Variants in DOCK11 observed in about 807,000 individuals in gnomAD.
The protein encoded by DOCK11 is dedicator of cytokinesis 11.
A neutral mutation model predicts 169.1 loss-of-function variants in DOCK11; 70 were observed. The observed-to-expected ratio is 0.41, with a 90% CI of 0.34 to 0.51. DOCK11 has a LOEUF of 0.51. Ranked by LOEUF, DOCK11 falls within the 20% of genes least tolerant of loss-of-function variation. The pLI, the probability that DOCK11 is intolerant of heterozygous loss-of-function variation, is 0.10. For missense variants in DOCK11, 1,166 were observed against 1,538.8 expected (o/e 0.76, Z 4.05); for synonymous variants, 529 against 541.3 (o/e 0.98, Z 0.32).
At chrX:118,604,970 T>C in intron 23 of DOCK11, among the ~76,000 whole-genome samples, 1 of 111,842 alleles carries the variant, frequency 8.9e-6, no homozygotes, top group African/African-American at 3.3e-5. Context: ...CAGGAGTCAG[T>C]TGTCAATTTT....
In DOCK11 at chrX:118,593,341, C is replaced by CGT. The variant is rs1396830064; in HGVS notation, c.2263+7_2263+8dup. 8.4e-7 allele frequency: 1 copy of CGT among 1,194,349 alleles called. No individual in the cohort carries two copies. The highest frequency in any genetic ancestry group is 1.1e-6 in the Non-Finnish European group (1 of 888,987). On this transcript the variant is annotated splice_donor_region_variant and intron_variant, in intron 20 of 52. Coordinates refer to ENST00000276202, the MANE Select transcript of DOCK11 (RefSeq NM_144658.4). ...CAAGACACAGTTGAAACTCCAGGTA[C>CGT]GTGTTCTCTTTAAATGTCTCTCTCT...
chrX:118,501,844 A>T (rs759060033), intron 1 of DOCK11, among the ~76,000 whole-genome samples: 1 of 111,699 alleles, frequency 9.0e-6, no homozygotes, highest in Non-Finnish European at 1.9e-5. Flanking sequence ...TCCCATGCCA[A>T]CGCTTGTTAG....
chrX:118,685,863 T>C lies in DOCK11; in HGVS notation c.*56T>C, dbSNP rs1233256760. The stretch of plus-strand genomic sequence containing the variant: ...GACCTTTCTCAGGAATATTTGGAGC[T>C]GTGCAAATGTTAAAATTTAAAGATT... On this transcript the variant is annotated 3_prime_UTR_variant, in exon 53 of 53. Coordinates refer to ENST00000276202, the MANE Select transcript of DOCK11 (RefSeq NM_144658.4). 1 of 1,165,024 alleles carries C rather than the reference T, an allele frequency of 8.6e-7. No individual in the cohort carries two copies. Among genetic ancestry groups the C allele is most frequent in the African/African-American group, 1.8e-5 (1 of 56,577 alleles).
chrX:118,637,094 T>C lies in DOCK11; in HGVS notation c.3953+682T>C. On this transcript the variant is annotated intron_variant, in intron 36 of 52. Transcript: ENST00000276202. ...AATACAAAACCCTTGGATTAAAGTCTTACAAACTTTTACGGAAAATGTCAG... is the reference window on the plus strand; with the variant it reads ...AATACAAAACCCTTGGATTAAAGTCCTACAAACTTTTACGGAAAATGTCAG... Among the ~76,000 whole-genome samples the C allele has an allele frequency of 1.8e-5, 2 of 112,457 alleles. 1 individual carries two copies.
intron 40 of DOCK11, among the ~76,000 whole-genome samples, chrX:118,647,415 T>C (rs1388177034): frequency 1.1e-5 from 1 of 93,761 alleles, no homozygotes; most frequent in East Asian, 3.2e-4. Flanking sequence ...TACTGTATTA[T>C]GGCGGTGCAA....
chrX:118,621,338 G>A (rs193089809), intron 31 of DOCK11, among the ~76,000 whole-genome samples: 1 of 112,127 alleles, frequency 8.9e-6, no homozygotes, highest in East Asian at 2.8e-4. Context: ...CTGTGTAAGA[G>A]TTCATTTATC....
chrX:118,566,682 C>T, intron 9 of DOCK11, 29 bp downstream of exon 9: 1 of 1,134,143 alleles, frequency 8.8e-7, no homozygotes, highest in Non-Finnish European at 1.2e-6. Context: ...AACTTGCCTT[C>T]AACTGAGATA....
At chrX:118,538,603 ATGCTCACTTCTCTCCAGAT>A (rs1377399615) in intron 1 of DOCK11, 2 of 554,329 alleles carry the variant, frequency 3.6e-6, no homozygotes, top group African/African-American at 5.1e-5. Flanking sequence ...ACTGAAACAT[ATGCTCACTTCTCTCCAGAT>A]TGCATAAATG....
chrX:118,517,342 C>T (rs2057696721), intron 1 of DOCK11, among the ~76,000 whole-genome samples: 1 of 107,290 alleles, frequency 9.3e-6, no homozygotes, highest in African/African-American at 3.4e-5. Context: ...ATGATCGCGC[C>T]ACTGCACTCC....
rs772799320 is a variant in DOCK11, at chrX:118,561,526, A to G, written c.693+9A>G. On this transcript the variant is annotated intron_variant, in intron 7 of 52. Coordinates refer to ENST00000276202, the MANE Select transcript of DOCK11 (RefSeq NM_144658.4). ...GCATTGATGTTGTTCAGGTAAGGCC[A>G]TTGAGGTAATCCTTCTCTTTTTCTA... 1 of 1,167,672 alleles carries G rather than the reference A, an allele frequency of 8.6e-7. No individual in the cohort carries two copies. The highest frequency in any genetic ancestry group is 3.1e-5 in the East Asian group (1 of 32,478).
chrX:118,557,445 A>C (rs2012733132), intron 6 of DOCK11, among the ~76,000 whole-genome samples: 1 of 111,389 alleles, frequency 9.0e-6, no homozygotes, highest in African/African-American at 3.3e-5. Context: ...CAGATAAGCC[A>C]GTGTAGCTGG....
intron 40 of DOCK11, among the ~76,000 whole-genome samples, chrX:118,646,940 G>T (rs2015685897): frequency 2.7e-5 from 3 of 110,979 alleles, no homozygotes; most frequent in African/African-American, 6.5e-5. Context: ...TCCTGAAGCA[G>T]CTTGTTATTT....
At chrX:118,496,738 AT>A (rs1448184118) in intron 1 of DOCK11, among the ~76,000 whole-genome samples, 1 of 111,580 alleles carries the variant, frequency 9.0e-6, no homozygotes, top group African/African-American at 3.3e-5. Flanking sequence ...GCGCAGGGTC[AT>A]CCACCGCAGG....
At chrX:118,512,412 A>G (rs751028797) in intron 1 of DOCK11, among the ~76,000 whole-genome samples, 6 of 112,202 alleles carry the variant, frequency 5.3e-5, no homozygotes, top group African/African-American at 1.9e-4. Flanking sequence ...AGATTCAGAC[A>G]GGAAGAGATC....
Position 118,676,070 on chromosome X carries a change from A to G in DOCK11, c.5313+21A>G, listed in dbSNP as rs146830951. 2,400 of 1,057,131 alleles carry G rather than the reference A, an allele frequency of 2.3e-3. 36 individuals carry two copies. The African/African-American group carries it at 0.04, about 18-fold the overall frequency. The allele number at this position is 1,057,131 out of a possible 1,213,427, so 87.1% of individuals were successfully genotyped here. A position where few individuals can be genotyped will look rare whatever the true frequency, so the allele number is the denominator to read the frequency against. On this transcript the variant is annotated intron_variant, in intron 47 of 52. Coordinates refer to ENST00000276202, the MANE Select transcript of DOCK11 (RefSeq NM_144658.4). ...GCCAAGTAAGTGTACTTGAATCCAT[A>G]AAGTTTTCCTTTTTAAACATTCACC...
At chrX:118,588,060 A>G (rs1002221201) in intron 16 of DOCK11, 77 bp from the exon 17 acceptor site, 12 of 847,865 alleles carry the variant, frequency 1.4e-5, no homozygotes, top group Non-Finnish European at 1.9e-5. Flanking sequence ...CAATTCATGT[A>G]TATTTTTTAT....
chrX:118,588,337 A>C lies in DOCK11; in HGVS notation c.1980+16A>C. On this transcript the variant is annotated intron_variant, in intron 17 of 52. Coordinates refer to ENST00000276202, the MANE Select transcript of DOCK11 (RefSeq NM_144658.4). ...ATTTGCCAAGGTAACCATGTAAACT[A>C]TACATTTTTGGAGTATAAAATGTTA... 8.6e-7 allele frequency: 1 copy of C among 1,164,624 alleles called. No homozygotes were observed. Among genetic ancestry groups the C allele is most frequent in the Non-Finnish European group, 1.1e-6 (1 of 871,855 alleles).
At chrX:118,612,631 T>C (rs1273644404) in intron 28 of DOCK11, among the ~76,000 whole-genome samples, 1 of 111,347 alleles carries the variant, frequency 9.0e-6, no homozygotes, top group Non-Finnish European at 1.9e-5. Context: ...ATAGAAAAAC[T>C]AGAAAGGGAG....
At chrX:118,569,296 T>C (rs1376868630) in intron 10 of DOCK11, 1 of 109,775 alleles carries the variant, frequency 9.1e-6, no homozygotes, top group Non-Finnish European at 1.9e-5. Flanking sequence ...TTCTCCACAT[T>C]GGTCAGGCTG....
Sources: gnomAD v4.1 joint callset for allele counts (sites outside exome capture counted in the v4.1 genomes callset) on GRCh38, gnomAD v4.1.1 for gene constraint, MANE v1.5 for transcripts, NCBI Gene and HGNC (gene_info 2026-07-23, HGNC 2026-07-21) for gene names.